The following TRIQK variants were observed in gnomAD, a reference collection of about 807,000 sequenced individuals.
TRIQK encodes the protein triple QxxK/R motif containing.
Under a neutral mutation model 10.8 loss-of-function variants are expected in TRIQK, and 10 were observed. That is an observed-to-expected ratio of 0.92 (90% CI 0.57 to 1.57). The LOEUF is 1.57. Among genes scored for constraint, TRIQK ranks in the 40% most tolerant of loss-of-function variants. The pLI is 0.00. For synonymous variants in TRIQK, 33 were observed against 33.7 expected, an observed-to-expected ratio of 0.98 and a Z score of 0.07; for missense variants, 107 against 97.7, an observed-to-expected ratio of 1.09 and a Z score of -0.40.
upstream of TRIQK, among the ~76,000 whole-genome samples, chr8:92,968,587 C>G (rs1430282166): frequency 6.6e-6 from 1 of 152,168 alleles, no homozygotes; most frequent in Non-Finnish European, 1.5e-5. Flanking sequence ...TTATTGGACG[C>G]ATAAATGTAT....
At chr8:92,948,364 C>A (rs1811664692) in intron 2 of TRIQK, among the ~76,000 whole-genome samples, 1 of 152,136 alleles carries the variant, frequency 6.6e-6, no homozygotes, top group African/African-American at 2.4e-5. Context: ...TAATGGTTAA[C>A]AACATTTAAT....
intron 3 of TRIQK, among the ~76,000 whole-genome samples, chr8:92,908,236 C>G (rs1356609804): frequency 1.3e-5 from 2 of 151,312 alleles, no homozygotes; most frequent in East Asian, 3.9e-4. Context: ...TGTTCATTTT[C>G]TAGAAGCTCA....
chr8:93,001,949 G>A (rs775060451), intron 1 of TRIQK, among the ~76,000 whole-genome samples: 13 of 152,012 alleles, frequency 8.6e-5, no homozygotes, highest in African/African-American at 1.2e-4. Context: ...TGGCTGTAAT[G>A]GTATAAAACT....
chr8:92,888,020 G>A (rs1229094086), intron 4 of TRIQK, among the ~76,000 whole-genome samples: 1 of 151,474 alleles, frequency 6.6e-6, no homozygotes, highest in Non-Finnish European at 1.5e-5. Context: ...AAACACTTTG[G>A]CATCTCAAAA....
At chr8:92,898,999 C>CTTT (rs574697131) in intron 3 of TRIQK, among the ~76,000 whole-genome samples, 1 of 139,970 alleles carries the variant, frequency 7.1e-6, no homozygotes, top group Non-Finnish European at 1.6e-5. Flanking sequence ...GATTATACTA[C>CTTT]TTTTTTTTTT....
intron 1 of TRIQK, among the ~76,000 whole-genome samples, chr8:92,995,766 C>A (rs1035174886): frequency 6.6e-6 from 1 of 151,966 alleles, no homozygotes; most frequent in Non-Finnish European, 1.5e-5. Flanking sequence ...TTGATGAACA[C>A]GGTTATGTGT....
At chr8:92,951,231 A>T (rs1811886531) in intron 2 of TRIQK, among the ~76,000 whole-genome samples, 1 of 152,110 alleles carries the variant, frequency 6.6e-6, no homozygotes, top group Non-Finnish European at 1.5e-5. Context: ...TTACTAAAAA[A>T]ATCTATGATC....
upstream of TRIQK, chr8:92,966,246 C>T (rs918569346): frequency 6.6e-6 from 1 of 152,424 alleles, no homozygotes; most frequent in East Asian, 1.9e-4. Context: ...AAGGCGCTGG[C>T]CCTGAGGCCT....
intron 3 of TRIQK, among the ~76,000 whole-genome samples, chr8:92,914,724 T>TA (rs1214091030): frequency 6.6e-6 from 1 of 152,018 alleles, no homozygotes; most frequent in Non-Finnish European, 1.5e-5. Flanking sequence ...ATGACTATGT[T>TA]AAAAAAACGT....
At position 93,004,596 on chromosome 8, in the gene TRIQK, G is replaced by A. The variant is rs140247452; in HGVS notation, c.-181+13013C>T. Among the ~76,000 whole-genome samples, 271 of 152,266 alleles carry A rather than the reference G, an allele frequency of 1.8e-3. 2 individuals are homozygous for A. Among genetic ancestry groups the A allele is most frequent in the African/African-American group, 5.8e-3 (240 of 41,554 alleles). On this transcript the variant is annotated intron_variant, in intron 1 of 4. Coordinates refer to the TRIQK transcript ENST00000520686. ...TTCTTTTCTACCCCATGGTTGAGCC[G>A]CAAATTTTCCAAACTTGTATGCTCT...
chr8:92,973,600 C>A (rs1291876192), intron 1 of TRIQK: 1 of 152,054 alleles, frequency 6.6e-6, no homozygotes, highest in Non-Finnish European at 1.5e-5. Flanking sequence ...AAAAGATATA[C>A]AAAGGTTGAC....
At chr8:92,909,902 T>A (rs28577141) in intron 3 of TRIQK, among the ~76,000 whole-genome samples, 1,631 of 151,562 alleles carry the variant, frequency 0.011, 12 homozygotes, top group South Asian at 0.029. Flanking sequence ...ACAAAAAGAA[T>A]AACAGGGAAC....
At chr8:92,901,802 G>C (rs1389879050) in intron 3 of TRIQK, among the ~76,000 whole-genome samples, 1 of 151,996 alleles carries the variant, frequency 6.6e-6, no homozygotes, top group Non-Finnish European at 1.5e-5. Context: ...TTTTTTGAAA[G>C]TTTGAGTAAG....
At chr8:92,988,951 G>A (rs564800612) in intron 1 of TRIQK, among the ~76,000 whole-genome samples, 18 of 152,054 alleles carry the variant, frequency 1.2e-4, no homozygotes, top group African/African-American at 4.3e-4. Context: ...ATTTTTGACA[G>A]CAGGTATGCA....
intron 2 of TRIQK, among the ~76,000 whole-genome samples, chr8:92,919,851 T>C (rs562521041): frequency 1.3e-5 from 2 of 151,754 alleles, no homozygotes; most frequent in African/African-American, 2.4e-5. Flanking sequence ...TGTCTTGTCA[T>C]GTTTAATCTT....
At chr8:92,915,488 CTT>C (rs759774758) in intron 3 of TRIQK, among the ~76,000 whole-genome samples, 8 of 143,548 alleles carry the variant, frequency 5.6e-5, no homozygotes, top group Admixed American at 1.4e-4. Context: ...TATAAACATT[CTT>C]TTTTTTTTTT....
At chr8:92,979,523 T>C (rs1812964784) in intron 1 of TRIQK, among the ~76,000 whole-genome samples, 1 of 152,074 alleles carries the variant, frequency 6.6e-6, no homozygotes, top group Admixed American at 6.6e-5. Flanking sequence ...AAAATCTTAG[T>C]GGTATATGGA....
chr8:92,934,250 C>A lies in TRIQK; in HGVS notation c.-21-17240G>T, dbSNP rs118189627. ...TCAATGAAAGACTAGATGACATTGA[C>A]AAAGTCAATCAGTTTCCCTTCTTAC... is the stretch of plus-strand genomic sequence containing the variant. On this transcript the variant is annotated intron_variant, in intron 2 of 4. Coordinates refer to ENST00000521988, the MANE Select transcript of TRIQK (RefSeq NM_001171797.2). Among the ~76,000 whole-genome samples the A allele has an allele frequency of 4.1e-3, 616 of 151,994 alleles. 3 individuals are homozygous for A. The highest frequency in any genetic ancestry group is 4.5e-3 in the Non-Finnish European group (305 of 67,844).
chr8:92,953,468 G>A (rs1052482062), intron 2 of TRIQK: 3 of 151,928 alleles, frequency 2.0e-5, no homozygotes, highest in African/African-American at 7.2e-5. Context: ...AGCAAAGAAA[G>A]AATATAAAGC....
Sources: gnomAD v4.1 joint callset for allele counts (sites outside exome capture counted in the v4.1 genomes callset) on GRCh38, gnomAD v4.1.1 for gene constraint, MANE v1.5 for transcripts, NCBI Gene and HGNC (gene_info 2026-07-23, HGNC 2026-07-21) for gene names.